The following MSI2 variants were observed in gnomAD, a reference collection of about 807,000 sequenced individuals.
MSI2 encodes musashi RNA binding protein 2.
Under a neutral mutation model 45.6 loss-of-function variants are expected in MSI2, and 17 were observed. That is an observed-to-expected ratio of 0.37 (90% CI 0.26 to 0.56). The LOEUF is 0.56. MSI2 is among the 20% of genes least tolerant of loss of function. The pLI is 0.77. For missense variants in MSI2, 293 were observed against 444.2 expected, an observed-to-expected ratio of 0.66 and a Z score of 3.06; for synonymous variants, 156 against 158.2, an observed-to-expected ratio of 0.99 and a Z score of 0.11.
At chr17:57,441,483 A>C (rs898674280) in intron 6 of MSI2, among the ~76,000 whole-genome samples, 1 of 152,128 alleles carries the variant, frequency 6.6e-6, no homozygotes, top group African/African-American at 2.4e-5. Context: ...TATCATTGGC[A>C]TATAGACAGA....
chr17:57,489,963 G>A (rs1260312405), intron 6 of MSI2, among the ~76,000 whole-genome samples: 1 of 152,198 alleles, frequency 6.6e-6, no homozygotes, highest in Non-Finnish European at 1.5e-5. Context: ...TGATTGGAAA[G>A]TCCAGATGTT....
intron 7 of MSI2, among the ~76,000 whole-genome samples, chr17:57,562,405 G>C (rs1382787438): frequency 1.3e-5 from 2 of 152,222 alleles, no homozygotes; most frequent in Non-Finnish European, 2.9e-5. Context: ...CTGGTCCCAA[G>C]CAACTCCTAC....
intron 5 of MSI2, among the ~76,000 whole-genome samples, chr17:57,374,220 G>A (rs907309237): frequency 1.7e-4 from 26 of 152,296 alleles, no homozygotes; most frequent in African/African-American, 5.8e-4. Context: ...TACTGTTTTA[G>A]GATATATCAT....
intron 5 of MSI2, among the ~76,000 whole-genome samples, chr17:57,360,475 C>T (rs1000614367): frequency 1.3e-5 from 2 of 152,224 alleles, no homozygotes; most frequent in African/African-American, 4.8e-5. Flanking sequence ...CCAGGTTCCA[C>T]TTTTAGCTGC....
At chr17:57,527,516 G>T (rs2086729648) in intron 6 of MSI2, among the ~76,000 whole-genome samples, 1 of 152,236 alleles carries the variant, frequency 6.6e-6, no homozygotes, top group Non-Finnish European at 1.5e-5. Flanking sequence ...CCTGGGATGG[G>T]CATGGGGATC....
At chr17:57,608,264 G>A (rs1354327025) in intron 8 of MSI2, 1 of 152,458 alleles carries the variant, frequency 6.6e-6, no homozygotes, top group Non-Finnish European at 1.5e-5. Context: ...ACTCACGCTA[G>A]TCAGGAATCC....
chr17:57,555,172 C>T (rs1462450831), intron 7 of MSI2, among the ~76,000 whole-genome samples: 2 of 152,176 alleles, frequency 1.3e-5, no homozygotes, highest in African/African-American at 2.4e-5. Flanking sequence ...GGCTTCAGCC[C>T]GGGCCCCATC....
At chr17:57,312,325 A>G (rs1048066727) in intron 5 of MSI2, among the ~76,000 whole-genome samples, 1 of 152,198 alleles carries the variant, frequency 6.6e-6, no homozygotes, top group Non-Finnish European at 1.5e-5. Flanking sequence ...CCTACCTTCT[A>G]TACTTCCTTC....
chr17:57,440,472 T>G (rs1248029517), intron 6 of MSI2, among the ~76,000 whole-genome samples: 1 of 74,712 alleles, frequency 1.3e-5, no homozygotes, highest in African/African-American at 5.1e-5. Context: ...GTGTGTAGCG[T>G]GGCTGGGTCA....
intron 6 of MSI2, among the ~76,000 whole-genome samples, chr17:57,413,563 G>T (rs1007950094): frequency 1.3e-5 from 2 of 151,922 alleles, no homozygotes; most frequent in Non-Finnish European, 2.9e-5. Context: ...TCATTTGGCT[G>T]ATGTTTGTTA....
chr17:57,339,774 C>T (rs1889460081), intron 5 of MSI2, among the ~76,000 whole-genome samples: 1 of 152,158 alleles, frequency 6.6e-6, no homozygotes, highest in African/African-American at 2.4e-5. Flanking sequence ...GTCTCCATCA[C>T]CAGTTGAGGA....
chr17:57,631,634 T>A, intron 10 of MSI2: 2 of 663,902 alleles, frequency 3.0e-6, no homozygotes, highest in Non-Finnish European at 5.2e-6. Context: ...TCTTCCCACA[T>A]CCAGGTGTCC....
intron 5 of MSI2, among the ~76,000 whole-genome samples, chr17:57,284,401 C>G (rs1909689233): frequency 6.6e-6 from 1 of 152,060 alleles, no homozygotes; most frequent in Non-Finnish European, 1.5e-5. Flanking sequence ...GTCTCTCACT[C>G]CAAACAAAAA....
intron 5 of MSI2, among the ~76,000 whole-genome samples, chr17:57,380,224 C>T (rs764984031): frequency 3.9e-5 from 6 of 152,164 alleles, no homozygotes; most frequent in African/African-American, 4.8e-5. Flanking sequence ...GCATTAACCA[C>T]GTTGTGCCCT....
chr17:57,482,229 A>G (rs1396722371), intron 6 of MSI2, among the ~76,000 whole-genome samples: 1 of 152,226 alleles, frequency 6.6e-6, no homozygotes. Context: ...CTGTTTAAGA[A>G]GGCATTAAGA....
intron 5 of MSI2, among the ~76,000 whole-genome samples, chr17:57,396,948 A>G (rs2143045958): frequency 6.6e-6 from 1 of 152,314 alleles, no homozygotes; most frequent in East Asian, 1.9e-4. Flanking sequence ...AATGGTGGGA[A>G]GCACTCACAT....
the MSI2 span, among the ~76,000 whole-genome samples, chr17:57,691,786 T>C: frequency 6.6e-6 from 1 of 152,162 alleles, no homozygotes; most frequent in Non-Finnish European, 1.5e-5. Context: ...CTGAAAATAG[T>C]TTCATTTCTG....
intron 4 of MSI2, among the ~76,000 whole-genome samples, chr17:57,259,299 A>G (rs1046793085): frequency 3.3e-5 from 5 of 152,180 alleles, no homozygotes; most frequent in Non-Finnish European, 7.3e-5. Flanking sequence ...GTGATGGGGT[A>G]GTGGGACAAG....
chr17:57,569,523 C>T (rs774715931), intron 7 of MSI2, among the ~76,000 whole-genome samples: 12 of 152,196 alleles, frequency 7.9e-5, no homozygotes, highest in Non-Finnish European at 1.8e-4. Context: ...GAGCCTGAGG[C>T]TCCAAAACAG....
Sources: gnomAD v4.1 joint callset for allele counts (sites outside exome capture counted in the v4.1 genomes callset) on GRCh38, gnomAD v4.1.1 for gene constraint, MANE v1.5 for transcripts, NCBI Gene and HGNC (gene_info 2026-07-23, HGNC 2026-07-21) for gene names.